The following MZT2B variants were observed in gnomAD, a reference collection of about 807,000 sequenced individuals.
MZT2B encodes mitotic-spindle organizing protein 2B.
MZT2B carries 11 observed loss-of-function variants against 12.1 expected under a neutral mutation model. The ratio of observed to expected loss-of-function variants is 0.91; its 90% CI spans 0.57 to 1.50. MZT2B has a LOEUF of 1.50. MZT2B is among the 40% of genes most tolerant of loss of function. The pLI is 0.00. For missense variants in MZT2B, 209 were observed against 227.7 expected (o/e 0.92, Z 0.53); for synonymous variants, 85 against 109.5 (o/e 0.78, Z 1.40).
At chr2:130,185,273 T>C (rs1690014299) in intron 2 of MZT2B, among the ~76,000 whole-genome samples, 1 of 145,728 alleles carries the variant, frequency 6.9e-6, no homozygotes, top group Non-Finnish European at 1.5e-5. Context: ...ATCACACCAC[T>C]GCACTCCAGC....
downstream of MZT2B, chr2:130,193,972 C>T: frequency 6.2e-7 from 1 of 1,614,208 alleles, no homozygotes; most frequent in Non-Finnish European, 8.5e-7. Flanking sequence ...CATTGGTGAT[C>T]TCGGCCACAG....
At chr2:130,185,933 G>A (rs1308844563) in intron 2 of MZT2B, among the ~76,000 whole-genome samples, 3 of 152,088 alleles carry the variant, frequency 2.0e-5, no homozygotes, top group African/African-American at 4.8e-5. Context: ...TGAGGGCACC[G>A]AGGCCCTGTG....
rs181042437 is a variant in MZT2B at position 130,190,098 on chromosome 2, C to A, written c.320-371C>A. Among the ~76,000 whole-genome samples the A allele has an allele frequency of 2.9e-3, 444 of 152,302 alleles. 3 individuals are homozygous for A. The highest frequency in any genetic ancestry group is 0.01 in the Middle Eastern group (3 of 294). On this transcript the variant is annotated intron_variant, in intron 2 of 2. Transcript: ENST00000281871. ...GGCAGCGCATCCCTGCTGCTGCCGC[C>A]GCTGATGGCACCATCAGGGCAGACT...
chr2:130,190,404 G>A (rs1690220085), intron 2 of MZT2B, 65 bp from the exon 3 acceptor site: 1 of 1,591,714 alleles, frequency 6.3e-7, no homozygotes, highest in Non-Finnish European at 8.6e-7. Context: ...AGGACCACGA[G>A]TACAGCAGGT....
the MZT2B span, among the ~76,000 whole-genome samples, chr2:130,198,898 A>T: frequency 1.6e-5 from 2 of 123,838 alleles, 1 homozygote; most frequent in East Asian, 5.2e-4. Flanking sequence ...GGCAGGATTC[A>T]ATCACTTTTC....
the MZT2B span, among the ~76,000 whole-genome samples, chr2:130,195,865 G>A: frequency 6.6e-6 from 1 of 152,232 alleles, no homozygotes; most frequent in Non-Finnish European, 1.5e-5. Context: ...CTGCAGGCAG[G>A]GCCACCTGAG....
the MZT2B span, chr2:130,204,505 A>G: frequency 3.1e-6 from 1 of 318,206 alleles, no homozygotes; most frequent in Admixed American, 4.2e-5. Context: ...AGCCTGGCCA[A>G]CATGGTGAAA....
chr2:130,197,369 A>C, the MZT2B span, among the ~76,000 whole-genome samples: 3,813 of 76,114 alleles, frequency 0.05, 165 homozygotes, highest in Admixed American at 0.059. Flanking sequence ...CACCTGTAGT[A>C]CCAGCTACTC....
At chr2:130,202,453 T>G in the MZT2B span, 532 of 1,278,586 alleles carry the variant, frequency 4.2e-4, no homozygotes, top group Non-Finnish European at 5.2e-4. Context: ...GGCAGTTTGG[T>G]TCTGGGTGAG....
chr2:130,192,734 AT>A (rs200546660), downstream of MZT2B, among the ~76,000 whole-genome samples: 709 of 152,354 alleles, frequency 4.7e-3, 4 homozygotes, highest in African/African-American at 0.015. Flanking sequence ...CGGTAATAAC[AT>A]GACCTGAGGT....
intron 2 of MZT2B, 26 bp from the exon 3 acceptor site, chr2:130,190,443 A>C (rs1558780600): frequency 1.2e-6 from 2 of 1,610,394 alleles, no homozygotes; most frequent in East Asian, 4.5e-5. Context: ...GCCCATTCCT[A>C]ATCATTGTGC....
At chr2:130,201,215 T>G in the MZT2B span, among the ~76,000 whole-genome samples, 1 of 152,220 alleles carries the variant, frequency 6.6e-6, no homozygotes, top group African/African-American at 2.4e-5. Context: ...GACGGAGTTC[T>G]GCCGACAGCT....
At chr2:130,189,397 C>A (rs1271594421) in intron 2 of MZT2B, among the ~76,000 whole-genome samples, 5 of 152,154 alleles carry the variant, frequency 3.3e-5, no homozygotes, top group Non-Finnish European at 5.9e-5. Flanking sequence ...TTTGAGCCTG[C>A]AGGGGGAACA....
the MZT2B span, among the ~76,000 whole-genome samples, chr2:130,200,962 G>C: frequency 6.6e-6 from 1 of 152,178 alleles, no homozygotes; most frequent in African/African-American, 2.4e-5. Flanking sequence ...AGACGTGCTG[G>C]CTTACCCCCA....
downstream of MZT2B, chr2:130,191,891 A>G (rs1690267816): frequency 1.2e-6 from 2 of 1,613,872 alleles, no homozygotes; most frequent in South Asian, 2.2e-5. Context: ...CCTCTTCACA[A>G]TCCTTCTCTA....
chr2:130,189,410 T>C (rs1213486304), intron 2 of MZT2B, among the ~76,000 whole-genome samples: 1 of 152,132 alleles, frequency 6.6e-6, no homozygotes, highest in East Asian at 1.9e-4. Flanking sequence ...GGGGAACATG[T>C]AGCTGATTAG....
intron 2 of MZT2B, among the ~76,000 whole-genome samples, chr2:130,187,404 G>C (rs1690107057): frequency 6.6e-6 from 1 of 152,166 alleles, no homozygotes; most frequent in Admixed American, 6.5e-5. Context: ...GTCCCAGCTG[G>C]TCTCTAGCTT....
the MZT2B span, among the ~76,000 whole-genome samples, chr2:130,199,632 TA>T: frequency 1.2e-4 from 15 of 122,252 alleles, 3 homozygotes; most frequent in African/African-American, 4.4e-4. Flanking sequence ...TAGCAGCAGT[TA>T]TAAGTGGGTT....
Position 130,182,614 on chromosome 2 carries a change from C to T in MZT2B, c.171-13C>T, listed in dbSNP as rs1336248373. 4 of 1,544,880 alleles carry T rather than the reference C, an allele frequency of 2.6e-6. No homozygotes were observed. In the South Asian group the frequency reaches 4.8e-5, roughly 19 times the overall value. ...CGGAGAGGGCTCACCGGCCCCGCGT[C>T]TGTCCCCGCCAGGATCCTGGTGGAC... On this transcript the variant is annotated splice_polypyrimidine_tract_variant and intron_variant, in intron 1 of 2. Transcript: ENST00000281871.
Sources: gnomAD v4.1 joint callset for allele counts (sites outside exome capture counted in the v4.1 genomes callset) on GRCh38, gnomAD v4.1.1 for gene constraint, MANE v1.5 for transcripts, NCBI Gene and HGNC (gene_info 2026-07-23, HGNC 2026-07-21) for gene names.